The following ERBB4 variants were observed in gnomAD, a reference collection of about 807,000 sequenced individuals.
ERBB4 encodes erb-b2 receptor tyrosine kinase 4.
Under a neutral mutation model 158.0 loss-of-function variants are expected in ERBB4, and 42 were observed. The observed-to-expected ratio is 0.27, with a 90% CI of 0.21 to 0.34. ERBB4 has a LOEUF of 0.34. Among genes scored for constraint, ERBB4 ranks in the 10% least tolerant of loss-of-function variants. The pLI is 1.00. For missense variants in ERBB4, 1,333 were observed against 1,624.1 expected, an observed-to-expected ratio of 0.82 and a Z score of 3.08; for synonymous variants, 583 against 558.7, an observed-to-expected ratio of 1.04 and a Z score of -0.61.
intron 7 of ERBB4, among the ~76,000 whole-genome samples, chr2:211,716,154 G>C (rs2073890037): frequency 7.0e-6 from 1 of 143,748 alleles, no homozygotes. Context: ...CCTGAGGTAG[G>C]GAGTTCAAGA....
In ERBB4 at chr2:211,853,695, C is replaced by T. The variant is rs1575250903; in HGVS notation, c.422-65536G>A. Among the ~76,000 whole-genome samples the T allele has an allele frequency of 2.0e-5, 3 of 152,164 alleles. No individual in the cohort carries two copies. In the East Asian group the frequency reaches 5.8e-4, roughly 29 times the overall value. On this transcript the variant is annotated intron_variant, in intron 3 of 27. Coordinates refer to ENST00000342788, the MANE Select transcript of ERBB4 (RefSeq NM_005235.3). ...CTCTTACCTTATTCCAAAGCATACA[C>T]AACAAAAACTCCCCTGCAATTATCA...
At chr2:211,508,862 G>A (rs377210472) in intron 20 of ERBB4, among the ~76,000 whole-genome samples, 5 of 152,008 alleles carry the variant, frequency 3.3e-5, no homozygotes, top group African/African-American at 4.8e-5. Context: ...CCCAGGAGGC[G>A]GAGCTTGCAG....
intron 1 of ERBB4, among the ~76,000 whole-genome samples, chr2:212,126,836 A>G (rs2125576440): frequency 1.3e-5 from 2 of 152,276 alleles, no homozygotes; most frequent in East Asian, 3.9e-4. Context: ...AGGAAAACAC[A>G]TCTAGATGGG....
At chr2:212,230,486 GCCAAATTCAT>G (rs2083624869) in intron 1 of ERBB4, among the ~76,000 whole-genome samples, 1 of 152,018 alleles carries the variant, frequency 6.6e-6, no homozygotes, top group Non-Finnish European at 1.5e-5. Context: ...TTGTCAAATT[GCCAAATTCAT>G]TGTCAAACAC....
chr2:211,399,347 T>C (rs548739961), intron 25 of ERBB4, among the ~76,000 whole-genome samples: 3 of 152,294 alleles, frequency 2.0e-5, no homozygotes, highest in Admixed American at 1.3e-4. Flanking sequence ...CAAAGATATA[T>C]TGAATCAAAG....
At chr2:211,560,228 A>G (rs2067348124) in intron 20 of ERBB4, among the ~76,000 whole-genome samples, 1 of 151,286 alleles carries the variant, frequency 6.6e-6, no homozygotes, top group Non-Finnish European at 1.5e-5. Context: ...ACACAGCAGA[A>G]AATACAGACA....
chr2:211,619,902 G>C (rs566586772), intron 18 of ERBB4, among the ~76,000 whole-genome samples: 1 of 152,074 alleles, frequency 6.6e-6, no homozygotes, highest in African/African-American at 2.4e-5. Context: ...ATGTGTGTGC[G>C]TGAAGGAATT....
At chr2:211,879,493 G>C (rs1175624613) in intron 3 of ERBB4, among the ~76,000 whole-genome samples, 1 of 152,138 alleles carries the variant, frequency 6.6e-6, no homozygotes, top group East Asian at 1.9e-4. Context: ...TGTCAAAATG[G>C]TTGTTATTGC....
intron 3 of ERBB4, among the ~76,000 whole-genome samples, chr2:211,865,684 C>T (rs1575277160): frequency 2.6e-5 from 4 of 152,194 alleles, no homozygotes; most frequent in Admixed American, 2.6e-4. Flanking sequence ...CCCAAACATA[C>T]TTTTTAATCA....
At chr2:211,846,195 C>T (rs991583298) in intron 3 of ERBB4, among the ~76,000 whole-genome samples, 1 of 152,030 alleles carries the variant, frequency 6.6e-6, no homozygotes, top group African/African-American at 2.4e-5. Flanking sequence ...AGCTTTTCAA[C>T]CATCTTTAGG....
At chr2:211,846,648 G>A (rs917050703) in intron 3 of ERBB4, among the ~76,000 whole-genome samples, 5 of 152,014 alleles carry the variant, frequency 3.3e-5, no homozygotes, top group African/African-American at 1.2e-4. Context: ...AGTGGCTGCA[G>A]GATCATTATC....
At chr2:212,245,670 G>A (rs183721486) in intron 1 of ERBB4, among the ~76,000 whole-genome samples, 1 of 152,204 alleles carries the variant, frequency 6.6e-6, no homozygotes, top group African/African-American at 2.4e-5. Context: ...ACGAAGGCCT[G>A]ATATCAACTG....
chr2:211,415,107 C>CTTTT lies in ERBB4; in HGVS notation c.3135+5330_3135+5333dup, dbSNP rs71047175. ...CAAATCCCATTGAAACTTACATTTT[C>CTTTT]TTTTTTTTTTTTTTTTTTTTTTTTT... On this transcript the variant is annotated intron_variant, in intron 25 of 27. Coordinates refer to ENST00000342788, the MANE Select transcript of ERBB4 (RefSeq NM_005235.3). Among the ~76,000 whole-genome samples, 299 of 72,554 alleles carry CTTTT rather than the reference C, an allele frequency of 4.1e-3. 56 individuals carry two copies. The highest frequency in any genetic ancestry group is 0.013 in the Middle Eastern group (1 of 78). 47.6% of individuals were successfully genotyped at this position (72,554 alleles called of 152,430 possible).
chr2:211,725,318 A>G, intron 5 of ERBB4, 124 bp from the exon 6 acceptor site: 1 of 786,628 alleles, frequency 1.3e-6, no homozygotes, highest in Admixed American at 1.8e-5. Context: ...TTAATGAATG[A>G]GGTTTACAAC....
chr2:212,527,810 G>A (rs1692530851), intron 1 of ERBB4, among the ~76,000 whole-genome samples: 1 of 150,582 alleles, frequency 6.6e-6, no homozygotes, highest in African/African-American at 2.4e-5. Flanking sequence ...CCATTAACTT[G>A]TCATTTAGCA....
intron 20 of ERBB4, among the ~76,000 whole-genome samples, chr2:211,452,238 C>T (rs1206709695): frequency 2.0e-5 from 3 of 152,028 alleles, no homozygotes; most frequent in South Asian, 2.1e-4. Context: ...AGTGCAATGG[C>T]GCGATCTCGG....
At chr2:211,968,374 T>A (rs916206542) in intron 2 of ERBB4, among the ~76,000 whole-genome samples, 4 of 152,056 alleles carry the variant, frequency 2.6e-5, no homozygotes, top group African/African-American at 9.6e-5. Flanking sequence ...TTCCAAATAT[T>A]CTACAATGAG....
chr2:212,353,388 T>C (rs1238124738), intron 1 of ERBB4, among the ~76,000 whole-genome samples: 1 of 149,606 alleles, frequency 6.7e-6, no homozygotes, highest in Non-Finnish European at 1.5e-5. Context: ...ATGTGCTGTA[T>C]ATAATACATA....
At chr2:212,525,178 T>A (rs1347603194) in intron 1 of ERBB4, among the ~76,000 whole-genome samples, 1 of 152,022 alleles carries the variant, frequency 6.6e-6, no homozygotes, top group Non-Finnish European at 1.5e-5. Flanking sequence ...AAAAAGAGGC[T>A]CCACATTCCT....
Sources: allele counts gnomAD v4.1 joint callset (sites outside exome capture counted in the v4.1 genomes callset), GRCh38; gene constraint gnomAD v4.1.1; transcripts MANE v1.5; gene names NCBI Gene and HGNC (gene_info 2026-07-23, HGNC 2026-07-21).